Variants in KLHDC10 observed in about 807,000 individuals in gnomAD.
KLHDC10 encodes kelch domain-containing protein 10.
KLHDC10 carries 24 observed loss-of-function variants against 56.1 expected under a neutral mutation model. The observed-to-expected ratio is 0.43, with a 90% CI of 0.31 to 0.60. The LOEUF (loss-of-function observed/expected upper bound fraction) is 0.60. KLHDC10 is among the 20% of genes least tolerant of loss of function. The pLI, the probability that KLHDC10 is intolerant of heterozygous loss-of-function variation, is 0.11. For synonymous variants in KLHDC10, 188 were observed against 207.1 expected, an observed-to-expected ratio of 0.91 and a Z score of 0.79; for missense variants, 349 against 567.0, an observed-to-expected ratio of 0.62 and a Z score of 3.91.
intron 2 of KLHDC10, among the ~76,000 whole-genome samples, chr7:130,103,830 C>T (rs1795971723): frequency 6.6e-6 from 1 of 152,106 alleles, no homozygotes; most frequent in African/African-American, 2.4e-5. Context: ...TAGCTTACAC[C>T]TGTAATCCCA....
chr7:130,081,213 A>G (rs566504659), intron 1 of KLHDC10, among the ~76,000 whole-genome samples: 1 of 151,348 alleles, frequency 6.6e-6, no homozygotes, highest in East Asian at 2.0e-4. Flanking sequence ...TTTAGCCAGG[A>G]TGGTCTCGAT....
chr7:130,078,797 C>T (rs1352851465), intron 1 of KLHDC10, among the ~76,000 whole-genome samples: 3 of 152,102 alleles, frequency 2.0e-5, no homozygotes, highest in South Asian at 2.1e-4. Context: ...GGATTACAGG[C>T]GTGAGCCACC....
rs1446555511 is a variant in KLHDC10, at chr7:130,131,963, T to C, written c.*1217T>C. The C allele has an allele frequency of 6.6e-6, 1 of 152,212 alleles. No homozygotes were observed. Among genetic ancestry groups the C allele is most frequent in the Non-Finnish European group, 1.5e-5 (1 of 68,034 alleles). 9.4% of individuals were successfully genotyped at this position (152,212 alleles called of 1,614,324 possible). A position where few individuals can be genotyped will look rare whatever the true frequency, so the allele number is the denominator to read the frequency against. On this transcript the variant is annotated 3_prime_UTR_variant, in exon 10 of 10. Transcript: ENST00000335420. ...GGGTAAAGCCACAGGTCATCCTTCC[T>C]GAAGAACCAAGTATCATTTAAAAAC...
intron 2 of KLHDC10, among the ~76,000 whole-genome samples, chr7:130,103,418 CAAA>C (rs57094210): frequency 2.2e-5 from 2 of 92,702 alleles, no homozygotes; most frequent in Non-Finnish European, 2.5e-5. Context: ...GAGCAAGACT[CAAA>C]AAAAAAAAAA....
At chr7:130,109,673 C>G (rs1040313371) in intron 2 of KLHDC10, among the ~76,000 whole-genome samples, 20 of 152,202 alleles carry the variant, frequency 1.3e-4, no homozygotes, top group Non-Finnish European at 2.8e-4. Flanking sequence ...GAGTCTCACT[C>G]TGTTGCCCAG....
rs1284792576 is a variant in KLHDC10 at position 130,122,109 on chromosome 7, T to C, written c.686T>C (p.Ile229Thr). The C allele has an allele frequency of 6.2e-7, 1 of 1,613,936 alleles. No individual in the cohort carries two copies. The highest frequency in any genetic ancestry group is 1.1e-5 in the South Asian group (1 of 91,062). Residue 229 changes from isoleucine to threonine, a missense_variant, in exon 5 of 10, where the codon ATT (isoleucine) becomes ACT (threonine). Coordinates refer to ENST00000335420, the MANE Select transcript of KLHDC10 (RefSeq NM_014997.4). The stretch of plus-strand genomic sequence containing the variant: ...GTCTTTGGAGGTACAACCGGCTATA[T>C]TTACAGCACAGACCTGCACAAGTTA... ...LYVFGGTTGYIYSTDLHKLDL... is the reference protein window; with the variant it reads ...LYVFGGTTGYTYSTDLHKLDL...
At chr7:130,079,364 A>T (rs1795566058) in intron 1 of KLHDC10, among the ~76,000 whole-genome samples, 3 of 151,850 alleles carry the variant, frequency 2.0e-5, no homozygotes, top group Admixed American at 6.6e-5. Flanking sequence ...GGCCTAAAGT[A>T]TTTTTTTTAA....
intron 1 of KLHDC10, among the ~76,000 whole-genome samples, chr7:130,084,138 T>G (rs761582696): frequency 1.4e-4 from 21 of 152,252 alleles, no homozygotes; most frequent in Non-Finnish European, 2.6e-4. Context: ...ATTACATGCT[T>G]CATATTTCTG....
chr7:130,094,001 G>A (rs958136368), intron 1 of KLHDC10, among the ~76,000 whole-genome samples: 1 of 152,126 alleles, frequency 6.6e-6, no homozygotes, highest in African/African-American at 2.4e-5. Context: ...TCGGCTCACT[G>A]CAACCTCCGC....
chr7:130,120,603 C>G lies in KLHDC10; in HGVS notation c.476-146C>G. The G allele has an allele frequency of 1.3e-6, 1 of 766,648 alleles. No individual in the cohort carries two copies. The highest frequency in any genetic ancestry group is 2.0e-5 in the South Asian group (1 of 49,356). 47.5% of individuals were successfully genotyped at this position (766,648 alleles called of 1,614,324 possible). On this transcript the variant is annotated intron_variant, in intron 3 of 9. Coordinates refer to ENST00000335420, the MANE Select transcript of KLHDC10 (RefSeq NM_014997.4). The surrounding 1 kb of genome is among the most constrained non-coding windows in gnomAD (Gnocchi z 5.1). ...TTCAGATTTTCAGATTTGGCACGCT[C>G]AGCTACTAGTTAGATGTCAGTGGTT...
chr7:130,100,332 C>T (rs887187103), intron 2 of KLHDC10, among the ~76,000 whole-genome samples: 13 of 152,164 alleles, frequency 8.5e-5, no homozygotes, highest in Non-Finnish European at 1.5e-4. Context: ...CGTGTACCTA[C>T]CTATATCATA....
intron 1 of KLHDC10, among the ~76,000 whole-genome samples, chr7:130,084,588 G>C (rs970134524): frequency 6.6e-6 from 1 of 152,098 alleles, no homozygotes; most frequent in Non-Finnish European, 1.5e-5. Context: ...GGCCAGCCTG[G>C]CCAACATGGC....
rs192418151 is a variant in KLHDC10 at position 130,078,739 on chromosome 7, C to T, written c.166+7930C>T. Among the ~76,000 whole-genome samples the T allele has an allele frequency of 7.7e-3, 1,166 of 152,274 alleles. 7 individuals carry two copies. The highest frequency in any genetic ancestry group is 0.013 in the South Asian group (65 of 4,826). On this transcript the variant is annotated intron_variant, in intron 1 of 9. Coordinates refer to ENST00000335420, the MANE Select transcript of KLHDC10 (RefSeq NM_014997.4). ...TTCACCGTGTTAGCCAGGATGGTCT[C>T]GATCTCCTGACCTCGTGATCCACCC...
In KLHDC10 at chr7:130,078,216, A is replaced by C. The variant is rs978628793; in HGVS notation, c.166+7407A>C. ...AACCCCGTCTCTACTGAAAACACAC[A>C]CAAAAAAATTAGCCGGATGTGGTAG... is the stretch of plus-strand genomic sequence containing the variant. On this transcript the variant is annotated intron_variant, in intron 1 of 9. Transcript: ENST00000335420. Among the ~76,000 whole-genome samples, 10 of 151,626 alleles carry C rather than the reference A, an allele frequency of 6.6e-5. No individual in the cohort carries two copies. The East Asian group carries it at 2.0e-3, about 30-fold the overall frequency.
chr7:130,119,843 TAAAAAA>T (rs72549928), intron 3 of KLHDC10, among the ~76,000 whole-genome samples: 1 of 76,970 alleles, frequency 1.3e-5, no homozygotes, highest in Non-Finnish European at 2.5e-5. Flanking sequence ...GACTCCGTCT[TAAAAAA>T]AAAAAAAAAA....
At chr7:130,072,844 T>C (rs1795436871) in intron 1 of KLHDC10, among the ~76,000 whole-genome samples, 2 of 151,922 alleles carry the variant, frequency 1.3e-5, no homozygotes, top group Admixed American at 1.3e-4. Flanking sequence ...GCAACTCCAC[T>C]TCCTAGGCTC....
chr7:130,110,168 T>C (rs1297904322), intron 2 of KLHDC10, among the ~76,000 whole-genome samples: 1 of 152,232 alleles, frequency 6.6e-6, no homozygotes, highest in Non-Finnish European at 1.5e-5. Context: ...GGACTACCAC[T>C]GAAATAATAT....
intron 3 of KLHDC10, among the ~76,000 whole-genome samples, chr7:130,118,170 G>A (rs111498843): frequency 0.024 from 3,608 of 151,966 alleles, 138 homozygotes; most frequent in African/African-American, 0.082. Flanking sequence ...GTGAGACTCC[G>A]TTTCAAAAAA....
chr7:130,124,269 G>T (rs1345510733), intron 5 of KLHDC10, among the ~76,000 whole-genome samples, 182 bp from the exon 6 acceptor site: 1 of 152,114 alleles, frequency 6.6e-6, no homozygotes, highest in Non-Finnish European at 1.5e-5. Context: ...GTTACTGGTT[G>T]TATACTAATC....
Sources: allele counts gnomAD v4.1 joint callset (sites outside exome capture counted in the v4.1 genomes callset), GRCh38; gene constraint gnomAD v4.1.1; non-coding constraint Gnocchi (gnomAD v3.1); transcripts MANE v1.5; gene names NCBI Gene and HGNC (gene_info 2026-07-23, HGNC 2026-07-21).